The following SPAG16 variants were observed in gnomAD, a reference collection of about 807,000 sequenced individuals.
SPAG16 encodes sperm-associated antigen 16 protein.
SPAG16 carries 86 observed loss-of-function variants against 80.4 expected under a neutral mutation model. That is an observed-to-expected ratio of 1.07 (90% confidence interval 0.90 to 1.28). The LOEUF is 1.28. SPAG16 is among the 50% of genes most tolerant of loss of function. SPAG16 has a pLI of 0.00. For missense variants in SPAG16, 870 were observed against 765.3 expected (o/e 1.14, Z -1.61); for synonymous variants, 294 against 265.9 (o/e 1.11, Z -1.03).
intron 10 of SPAG16, among the ~76,000 whole-genome samples, chr2:213,545,434 C>CAGTGTTTTATTCTCTATGAA (rs1375899660): frequency 6.6e-6 from 1 of 152,052 alleles, no homozygotes; most frequent in Non-Finnish European, 1.5e-5. Context: ...ATTCTCTTGA[C>CAGTGTTTTATTCTCTATGAA]AGTGTCTTTC....
intron 10 of SPAG16, among the ~76,000 whole-genome samples, chr2:213,673,133 C>T (rs963233132): frequency 4.6e-5 from 7 of 152,016 alleles, no homozygotes; most frequent in African/African-American, 1.7e-4. Context: ...CTTCAAGAAC[C>T]CAAAACCTAC....
intron 13 of SPAG16, among the ~76,000 whole-genome samples, chr2:214,047,413 G>T (rs960922626): frequency 6.6e-6 from 1 of 152,040 alleles, no homozygotes; most frequent in African/African-American, 2.4e-5. Context: ...ACTCACTTTT[G>T]ACAAAAGTGC....
chr2:214,404,472 G>T (rs1266674934), intron 15 of SPAG16, among the ~76,000 whole-genome samples: 2 of 151,912 alleles, frequency 1.3e-5, no homozygotes, highest in Non-Finnish European at 2.9e-5. Context: ...TTATATTTGT[G>T]GTATTTTAGG....
At chr2:213,983,289 C>T (rs369552238) in intron 12 of SPAG16, among the ~76,000 whole-genome samples, 47 of 151,804 alleles carry the variant, frequency 3.1e-4, no homozygotes, top group African/African-American at 1.1e-3. Flanking sequence ...AATAAGAGAA[C>T]AAATTTAAAG....
intron 10 of SPAG16, among the ~76,000 whole-genome samples, chr2:213,755,498 T>C (rs1276526484): frequency 3.3e-5 from 5 of 152,314 alleles, no homozygotes; most frequent in Admixed American, 3.3e-4. Context: ...AAACACAAAG[T>C]TTAATTCTGC....
At chr2:213,820,361 T>G (rs1559495049) in intron 10 of SPAG16, among the ~76,000 whole-genome samples, 1 of 152,174 alleles carries the variant, frequency 6.6e-6, no homozygotes, top group Non-Finnish European at 1.5e-5. Flanking sequence ...AACCTTTTTT[T>G]TGTGTGTGGG....
At chr2:213,677,065 T>C (rs2064121205) in intron 10 of SPAG16, among the ~76,000 whole-genome samples, 1 of 152,130 alleles carries the variant, frequency 6.6e-6, no homozygotes, top group Non-Finnish European at 1.5e-5. Context: ...TCAGCTCCTG[T>C]TATTGGTCTA....
intron 10 of SPAG16, among the ~76,000 whole-genome samples, chr2:213,780,014 G>A (rs978290288): frequency 3.3e-5 from 5 of 152,218 alleles, no homozygotes; most frequent in Non-Finnish European, 7.4e-5. Flanking sequence ...TAGCTACTAG[G>A]CATGCTGACT....
At chr2:214,053,609 T>C (rs1312237791) in intron 13 of SPAG16, among the ~76,000 whole-genome samples, 2 of 152,178 alleles carry the variant, frequency 1.3e-5, no homozygotes, top group African/African-American at 4.8e-5. Flanking sequence ...AAAAATGGTT[T>C]GGTAGCACCA....
intron 10 of SPAG16, among the ~76,000 whole-genome samples, chr2:213,506,793 T>C (rs547636725): frequency 6.6e-6 from 1 of 152,314 alleles, no homozygotes; most frequent in African/African-American, 2.4e-5. Flanking sequence ...TAGGAATAGC[T>C]GCAGGTTAAG....
intron 10 of SPAG16, among the ~76,000 whole-genome samples, chr2:213,714,497 T>C (rs1037014866): frequency 1.3e-5 from 2 of 152,162 alleles, no homozygotes; most frequent in South Asian, 2.1e-4. Flanking sequence ...ATTTTTACAG[T>C]TGAACAAAAT....
intron 10 of SPAG16, among the ~76,000 whole-genome samples, chr2:213,742,644 C>T (rs192685461): frequency 4.6e-5 from 7 of 151,188 alleles, no homozygotes; most frequent in South Asian, 2.1e-4. Context: ...CTCCACCTCC[C>T]GGGTGCAAGC....
intron 15 of SPAG16, among the ~76,000 whole-genome samples, chr2:214,358,397 T>C (rs1189634467): frequency 6.6e-6 from 1 of 151,954 alleles, no homozygotes; most frequent in Non-Finnish European, 1.5e-5. Flanking sequence ...ATTTTGCTTA[T>C]TAGTTTTCCC....
intron 11 of SPAG16, among the ~76,000 whole-genome samples, chr2:213,876,122 G>C (rs771163853): frequency 1.3e-5 from 2 of 152,004 alleles, no homozygotes; most frequent in Non-Finnish European, 2.9e-5. Context: ...TTGACATTGC[G>C]TGAAAGTTTC....
intron 11 of SPAG16, among the ~76,000 whole-genome samples, chr2:213,890,554 G>A (rs554107198): frequency 3.3e-4 from 49 of 150,658 alleles, no homozygotes; most frequent in Middle Eastern, 6.8e-3. Flanking sequence ...GAAAAATTCA[G>A]CATTTTAATA....
intron 13 of SPAG16, among the ~76,000 whole-genome samples, chr2:214,015,793 G>A (rs1315644031): frequency 1.3e-5 from 2 of 152,032 alleles, no homozygotes; most frequent in African/African-American, 4.8e-5. Flanking sequence ...AGTTGGCTGG[G>A]GGAGGGCCTT....
intron 15 of SPAG16, among the ~76,000 whole-genome samples, chr2:214,374,068 G>C (rs2126093902): frequency 6.6e-6 from 1 of 152,322 alleles, no homozygotes; most frequent in South Asian, 2.1e-4. Flanking sequence ...AGTCAGTGAG[G>C]AGCAGTGGCT....
At chr2:213,577,942 A>G (rs1257348375) in intron 10 of SPAG16, among the ~76,000 whole-genome samples, 1 of 152,018 alleles carries the variant, frequency 6.6e-6, no homozygotes, top group Admixed American at 6.6e-5. Flanking sequence ...GCCTCCTCTC[A>G]GGAGGAACTT....
At chr2:214,234,053 T>A (rs936760590) in intron 15 of SPAG16, among the ~76,000 whole-genome samples, 1 of 141,370 alleles carries the variant, frequency 7.1e-6, no homozygotes, top group Non-Finnish European at 1.6e-5. Context: ...CACCTTTCAA[T>A]AGGCCCCAGT....
Sources: allele counts gnomAD v4.1 joint callset (sites outside exome capture counted in the v4.1 genomes callset), GRCh38; gene constraint gnomAD v4.1.1; transcripts MANE v1.5; gene names NCBI Gene and HGNC (gene_info 2026-07-23, HGNC 2026-07-21).